Variants in PRKACB observed in about 807,000 individuals in gnomAD.
The protein encoded by PRKACB is protein kinase cAMP-activated catalytic subunit beta, also known as cAMP-dependent protein kinase catalytic subunit beta.
PRKACB carries 16 observed loss-of-function variants against 51.4 expected under a neutral mutation model. The observed-to-expected ratio is 0.31, with a 90% confidence interval of 0.21 to 0.47. The LOEUF is 0.47. Among genes scored for constraint, PRKACB ranks in the 20% least tolerant of loss-of-function variants. The pLI is 1.00. For synonymous variants in PRKACB, 147 were observed against 154.4 expected (o/e 0.95, Z 0.35); for missense variants, 309 against 464.5 (o/e 0.67, Z 3.08).
intron 8 of PRKACB, among the ~76,000 whole-genome samples, chr1:84,210,059 A>C (rs1388027929): frequency 1.3e-5 from 2 of 152,184 alleles, no homozygotes; most frequent in African/African-American, 4.8e-5. Flanking sequence ...ATACTGACTC[A>C]AGAGGCCTTC....
intron 1 of PRKACB, among the ~76,000 whole-genome samples, chr1:84,090,478 C>T (rs1648370833): frequency 6.6e-6 from 1 of 152,194 alleles, no homozygotes; most frequent in Non-Finnish European, 1.5e-5. Flanking sequence ...GCTATGCACT[C>T]TATATGACAT....
At chr1:84,210,511 A>G (rs1460524145) in intron 8 of PRKACB, among the ~76,000 whole-genome samples, 1 of 152,156 alleles carries the variant, frequency 6.6e-6, no homozygotes, top group Non-Finnish European at 1.5e-5. Context: ...TATTTTCCCA[A>G]TAATTCTACT....
intron 1 of PRKACB, among the ~76,000 whole-genome samples, chr1:84,127,362 G>A (rs775522885): frequency 8.6e-5 from 13 of 152,024 alleles, no homozygotes; most frequent in Non-Finnish European, 1.6e-4. Flanking sequence ...ATACGACATT[G>A]AGCTAAAGCA....
At position 84,184,090 on chromosome 1, in the gene PRKACB, G is replaced by T; in HGVS notation, c.432G>T (p.Gln144His). 1.9e-6 allele frequency: 3 copies of T among 1,604,824 alleles called. No homozygotes were observed. Among genetic ancestry groups the T allele is most frequent in the Non-Finnish European group, 2.6e-6 (3 of 1,175,188 alleles). ...CTTTGAATGAGAAAAGAATATTACA[G>T]GCAGTGAATTTTCCTTTCCTTGTTC... ...EHTLNEKRILQAVNFPFLVRL... is the reference protein window; with the variant it reads ...EHTLNEKRILHAVNFPFLVRL... Residue 144 changes from glutamine (Q) to histidine (H), a missense_variant, in exon 4 of 10, where the codon CAG becomes CAT. Gln to His is a conservative substitution (Grantham distance 24). Around this residue, in one of 3 missense-constraint regions of PRKACB, gnomAD observed 153 missense variants for 190.2 expected, o/e 0.80. Coordinates refer to ENST00000370685, the MANE Select transcript of PRKACB (RefSeq NM_182948.4).
chr1:84,232,490 C>G (rs891411854), intron 9 of PRKACB, among the ~76,000 whole-genome samples: 8 of 152,180 alleles, frequency 5.3e-5, no homozygotes, highest in African/African-American at 1.9e-4. Flanking sequence ...TCTCATTGAT[C>G]TGTCTAATGT....
chr1:84,200,147 A>G (rs1194357120), intron 7 of PRKACB, among the ~76,000 whole-genome samples: 6 of 151,616 alleles, frequency 4.0e-5, no homozygotes, highest in African/African-American at 4.8e-5. Context: ...ATGCCCTTCC[A>G]TTTTTTTACT....
At chr1:84,131,815 C>G (rs1652245426) in intron 1 of PRKACB, among the ~76,000 whole-genome samples, 1 of 152,162 alleles carries the variant, frequency 6.6e-6, no homozygotes, top group South Asian at 2.1e-4. Context: ...GAGTGTGACA[C>G]CTCTGGGAGC....
upstream of PRKACB, among the ~76,000 whole-genome samples, chr1:84,143,099 G>A (rs887522943): frequency 1.3e-5 from 2 of 151,834 alleles, no homozygotes; most frequent in African/African-American, 4.8e-5. Context: ...AATGCCACAG[G>A]TTACTTTCTT....
chr1:84,163,418 G>A (rs1332132478), intron 1 of PRKACB, among the ~76,000 whole-genome samples: 2 of 152,034 alleles, frequency 1.3e-5, no homozygotes, highest in Non-Finnish European at 2.9e-5. Context: ...GCCTTAGACT[G>A]TTAATTTCTT....
Position 84,238,248 on chromosome 1 carries a change from G to C in PRKACB, c.*2943G>C, listed in dbSNP as rs1175715045. On this transcript the variant is annotated 3_prime_UTR_variant, in exon 10 of 10. Transcript: ENST00000370685. ...GCCTGAAAATACTCATTGTAAGCCT[G>C]AAAAAAAAAATCTTTCCCACTGTTT... is the stretch of plus-strand genomic sequence containing the variant. 1.3e-5 allele frequency: 2 copies of C among 149,420 alleles called. No homozygotes were observed. 9.3% of individuals were successfully genotyped at this position (149,420 alleles called of 1,614,324 possible).
Position 84,170,995 on chromosome 1 carries a change from G to A in PRKACB, c.188-8182G>A, listed in dbSNP as rs190116410. Among the ~76,000 whole-genome samples, 181 of 151,598 alleles carry A rather than the reference G, an allele frequency of 1.2e-3. 1 individual carries two copies. The highest frequency in any genetic ancestry group is 2.0e-3 in the Non-Finnish European group (135 of 67,678). On this transcript the variant is annotated intron_variant, in intron 1 of 9. Coordinates refer to ENST00000370685, the MANE Select transcript of PRKACB (RefSeq NM_182948.4). ...TCAAATGATTGATATACAGGCTACA[G>A]TATATCAATTCTTAATTACTTAACT...
At chr1:84,119,492 T>C (rs1452281765) in intron 1 of PRKACB, among the ~76,000 whole-genome samples, 1 of 152,072 alleles carries the variant, frequency 6.6e-6, no homozygotes, top group East Asian at 1.9e-4. Flanking sequence ...TACACTATTC[T>C]ACAGCTAACT....
At chr1:84,109,028 T>A (rs999423376) in intron 1 of PRKACB, among the ~76,000 whole-genome samples, 17 of 151,998 alleles carry the variant, frequency 1.1e-4, no homozygotes, top group Admixed American at 1.1e-3. Context: ...CCCTGGTTTC[T>A]TTTTGCCTGA....
At chr1:84,162,749 T>G (rs1027620807) in intron 1 of PRKACB, among the ~76,000 whole-genome samples, 11 of 152,018 alleles carry the variant, frequency 7.2e-5, no homozygotes, top group African/African-American at 2.7e-4. Context: ...GTATAATAGC[T>G]ATTTTAAAGT....
intron 9 of PRKACB, among the ~76,000 whole-genome samples, chr1:84,234,485 G>A (rs1676370353): frequency 6.6e-6 from 1 of 152,236 alleles, no homozygotes; most frequent in African/African-American, 2.4e-5. Flanking sequence ...AAGCAAGCCT[G>A]GGCAATGGCG....
At chr1:84,140,071 G>GA (rs895227658), upstream of PRKACB, among the ~76,000 whole-genome samples, 23 of 149,328 alleles carry the variant, frequency 1.5e-4, no homozygotes, top group South Asian at 1.9e-3. Flanking sequence ...AGAAAAAAAG[G>GA]AAAAAAAAAT....
intron 4 of PRKACB, 140 bp from the exon 5 acceptor site, chr1:84,184,960 G>A: frequency 2.3e-6 from 1 of 432,538 alleles, no homozygotes; most frequent in Non-Finnish European, 3.9e-6. Context: ...AAAAGCTAGA[G>A]CATGTTCCAT....
intron 1 of PRKACB, among the ~76,000 whole-genome samples, chr1:84,135,831 A>G (rs1234605468): frequency 1.3e-5 from 2 of 152,126 alleles, no homozygotes; most frequent in Non-Finnish European, 1.5e-5. Context: ...AAAATCAGTA[A>G]TAAAAAGTTC....
intron 1 of PRKACB, among the ~76,000 whole-genome samples, chr1:84,149,851 C>A (rs1654606728): frequency 1.3e-5 from 2 of 151,902 alleles, no homozygotes; most frequent in Non-Finnish European, 2.9e-5. Flanking sequence ...AATTGAATCC[C>A]AGATAAACAT....
Sources: allele counts gnomAD v4.1 joint callset (sites outside exome capture counted in the v4.1 genomes callset), GRCh38; gene constraint gnomAD v4.1.1; regional missense constraint gnomAD v4.1.1; transcripts MANE v1.5; gene names NCBI Gene and HGNC (gene_info 2026-07-23, HGNC 2026-07-21).